Variants in LRP1B observed in about 807,000 individuals in gnomAD.
LRP1B encodes the protein low-density lipoprotein receptor-related protein 1B.
In LRP1B, 217 loss-of-function variants were observed where a neutral mutation model predicts 556.6. The observed-to-expected ratio is 0.39, with a 90% CI of 0.35 to 0.44. LRP1B has a LOEUF of 0.44. LRP1B is among the 20% of genes least tolerant of loss of function. LRP1B has a pLI of 1.00. For missense variants in LRP1B, 5,053 were observed against 5,620.8 expected (o/e 0.90, Z 3.23); for synonymous variants, 2,047 against 1,865.8 (o/e 1.10, Z -2.50).
chr2:141,769,568 AGGT>A (rs1361687885), intron 2 of LRP1B, among the ~76,000 whole-genome samples: 1 of 152,198 alleles, frequency 6.6e-6, no homozygotes, highest in Non-Finnish European at 1.5e-5. Flanking sequence ...ATCAGGTCCC[AGGT>A]GGAATACAAC....
At chr2:140,638,334 T>C (rs1040303769) in intron 41 of LRP1B, among the ~76,000 whole-genome samples, 1 of 152,144 alleles carries the variant, frequency 6.6e-6, no homozygotes, top group Non-Finnish European at 1.5e-5. Context: ...TCGTCACAAG[T>C]ACCATATGAG....
intron 7 of LRP1B, among the ~76,000 whole-genome samples, chr2:141,083,513 C>A (rs1398365192): frequency 6.6e-6 from 1 of 152,104 alleles, no homozygotes; most frequent in African/African-American, 2.4e-5. Context: ...GCAAAAACTA[C>A]TGTCATGGTT....
chr2:141,902,910 C>A (rs952931307), intron 1 of LRP1B, among the ~76,000 whole-genome samples: 1 of 151,862 alleles, frequency 6.6e-6, no homozygotes, highest in African/African-American at 2.4e-5. Context: ...ATTGACATTG[C>A]TTATAATTGC....
intron 2 of LRP1B, among the ~76,000 whole-genome samples, chr2:141,708,603 CT>C (rs368308402): frequency 4.7e-4 from 71 of 152,244 alleles, no homozygotes; most frequent in African/African-American, 1.6e-3. Flanking sequence ...TTCTATACTG[CT>C]TTTTCTAATG....
chr2:140,444,277 CTTATT>C lies in LRP1B; in HGVS notation c.10294+48_10294+52del, dbSNP rs1450875530. The C allele has an allele frequency of 5.6e-6, 9 of 1,598,844 alleles. No homozygotes were observed. In the African/African-American group the frequency reaches 6.7e-5, roughly 12 times the overall value. On this transcript the variant is annotated intron_variant, in intron 65 of 90. Transcript: ENST00000389484. ...ATGAAGTATAGTACTAATTTTTAGA[CTTATT>C]TTAGGAGTCAAAGTTAAGACAAGAC...
intron 60 of LRP1B, among the ~76,000 whole-genome samples, chr2:140,472,586 G>C (rs1439936384): frequency 6.6e-6 from 1 of 151,946 alleles, no homozygotes; most frequent in Non-Finnish European, 1.5e-5. Flanking sequence ...AAGAGGAATG[G>C]AAGCTCTCAA....
At chr2:140,649,940 T>C (rs1684616846) in intron 41 of LRP1B, among the ~76,000 whole-genome samples, 1 of 152,204 alleles carries the variant, frequency 6.6e-6, no homozygotes, top group Admixed American at 6.5e-5. Context: ...CCTTGAAACA[T>C]GTCATTCAAT....
chr2:140,952,452 G>A (rs1695744866), intron 18 of LRP1B, among the ~76,000 whole-genome samples: 1 of 151,376 alleles, frequency 6.6e-6, no homozygotes, highest in African/African-American at 2.4e-5. Context: ...ATTTAGGTAA[G>A]CCAGTATCAC....
At position 141,912,509 on chromosome 2, in the gene LRP1B, AAAG is replaced by A. The variant is rs1205233775; in HGVS notation, c.83-102111_83-102109del. Among the ~76,000 whole-genome samples, 11 of 152,262 alleles carry A rather than the reference AAAG, an allele frequency of 7.2e-5. No homozygotes were observed. In the South Asian group the frequency reaches 2.3e-3, roughly 32 times the overall value. On this transcript the variant is annotated intron_variant, in intron 1 of 90. Coordinates refer to ENST00000389484, the MANE Select transcript of LRP1B (RefSeq NM_018557.3). The stretch of plus-strand genomic sequence containing the variant: ...TCAAATAACCCACAGGTATGAGTGA[AAAG>A]AAGATGGAGCTAGGAAACATCAATA...
At chr2:142,042,946 G>T (rs1704113946) in intron 1 of LRP1B, among the ~76,000 whole-genome samples, 1 of 135,854 alleles carries the variant, frequency 7.4e-6, no homozygotes, top group South Asian at 2.3e-4. Context: ...CTTCAAGAGG[G>T]ATTTGATTTA....
intron 2 of LRP1B, among the ~76,000 whole-genome samples, chr2:141,622,662 A>G (rs550964075): frequency 3.3e-5 from 5 of 152,342 alleles, no homozygotes; most frequent in Admixed American, 1.3e-4. Flanking sequence ...TCTGGAAAGT[A>G]AAGTGGAAGA....
intron 79 of LRP1B, among the ~76,000 whole-genome samples, chr2:140,331,831 G>C (rs1374311925): frequency 6.6e-6 from 1 of 151,806 alleles, no homozygotes; most frequent in African/African-American, 2.4e-5. Flanking sequence ...GAGTAGCTGG[G>C]ATTACAGGTA....
chr2:140,239,445 C>G lies in LRP1B; in HGVS notation c.13412G>C (p.Arg4471Thr). The G allele has an allele frequency of 1.3e-6, 2 of 1,583,306 alleles. No homozygotes were observed. Among genetic ancestry groups the G allele is most frequent in the Non-Finnish European group, 1.7e-6 (2 of 1,159,114 alleles). The change falls in exon 88 of 91, where the codon AGA (arginine) becomes ACA (threonine). Residue 4471 changes from arginine (R) to threonine (T), a missense_variant. Physicochemically the swap from Arg to Thr is moderately conservative, Grantham distance 71. Around this residue, in one of 5 missense-constraint regions of LRP1B, gnomAD observed 551 missense variants for 592.0 expected, o/e 0.93. Coordinates refer to ENST00000389484, the MANE Select transcript of LRP1B (RefSeq NM_018557.3). Reference protein sequence around the residue: ...VIGLVLCKRKRRTKTIRRQPI... With the variant: ...VIGLVLCKRKTRTKTIRRQPI... ...AATCTAGAACATTGCATCTTACCTT[C>G]TTTTTCTTTTACAAAGCACTAAACC...
At chr2:141,510,626 T>C (rs913395773) in intron 2 of LRP1B, among the ~76,000 whole-genome samples, 2 of 152,084 alleles carry the variant, frequency 1.3e-5, no homozygotes, top group African/African-American at 2.4e-5. Flanking sequence ...AGAACTCTTA[T>C]CCCTGATGCA....
chr2:142,013,244 G>A lies in LRP1B; in HGVS notation c.82+117404C>T, dbSNP rs143776923. On this transcript the variant is annotated intron_variant, in intron 1 of 90. Transcript: ENST00000389484. ...GAATAAGACTGGAAAGACGGAAAGC[G>A]GGATGGGAAGGGTGTAATGTGGAGG... Among the ~76,000 whole-genome samples the A allele has an allele frequency of 2.2e-4, 33 of 152,162 alleles. No individual in the cohort carries two copies. In the East Asian group the frequency reaches 6.0e-3, roughly 28 times the overall value.
intron 2 of LRP1B, among the ~76,000 whole-genome samples, chr2:141,764,734 G>T (rs988519509): frequency 2.0e-5 from 3 of 151,702 alleles, no homozygotes; most frequent in Admixed American, 2.0e-4. Context: ...AATACAGTTT[G>T]TTTAACCAAA....
intron 41 of LRP1B, among the ~76,000 whole-genome samples, chr2:140,642,431 T>G (rs1684328959): frequency 6.6e-6 from 1 of 152,062 alleles, no homozygotes; most frequent in Non-Finnish European, 1.5e-5. Flanking sequence ...CCAAAGTAAA[T>G]AAAGATGGGG....
intron 31 of LRP1B, among the ~76,000 whole-genome samples, chr2:140,825,489 C>T (rs1006068456): frequency 2.0e-5 from 3 of 151,962 alleles, no homozygotes; most frequent in African/African-American, 7.3e-5. Context: ...TGTGGATCTT[C>T]ACCATGTTCC....
At chr2:140,724,796 A>G (rs1302684210) in intron 35 of LRP1B, among the ~76,000 whole-genome samples, 3 of 12,778 alleles carry the variant, frequency 2.3e-4, no homozygotes, top group African/African-American at 3.4e-4. Context: ...GACTTGTTTT[A>G]ATTATCGAGA....
Sources: gnomAD v4.1 joint callset for allele counts (sites outside exome capture counted in the v4.1 genomes callset) on GRCh38, gnomAD v4.1.1 for gene constraint, gnomAD v4.1.1 regional missense constraint, MANE v1.5 for transcripts, NCBI Gene and HGNC (gene_info 2026-07-23, HGNC 2026-07-21) for gene names.